ADD1: variants seen among roughly 807,000 people sequenced by gnomAD.
The protein encoded by ADD1 is alpha-adducin.
ADD1 carries 24 observed loss-of-function variants against 80.5 expected under a neutral mutation model. That is an observed-to-expected ratio of 0.30 (90% confidence interval 0.22 to 0.42). The LOEUF (loss-of-function observed/expected upper bound fraction) is 0.42, where lower values mean the gene tolerates loss of function less well. Among genes scored for constraint, ADD1 ranks in the 10% least tolerant of loss-of-function variants. ADD1 has a pLI of 1.00. For synonymous variants in ADD1, 373 were observed against 393.8 expected, an observed-to-expected ratio of 0.95 and a Z score of 0.63; for missense variants, 948 against 1,019.0, an observed-to-expected ratio of 0.93 and a Z score of 0.95.
At chr4:2,890,269 CA>C (rs1164599931) in intron 4 of ADD1, among the ~76,000 whole-genome samples, 1 of 151,042 alleles carries the variant, frequency 6.6e-6, no homozygotes, top group African/African-American at 2.4e-5. Context: ...ATAAAATGGA[CA>C]AAAGGCAAGA....
At chr4:2,919,761 T>C (rs1739684349) in intron 14 of ADD1, among the ~76,000 whole-genome samples, 1 of 152,162 alleles carries the variant, frequency 6.6e-6, no homozygotes, top group Non-Finnish European at 1.5e-5. Flanking sequence ...ATGGTCTATC[T>C]ATTTTATCAA....
intron 3 of ADD1, among the ~76,000 whole-genome samples, chr4:2,883,632 T>TAAGGGATCCTCCACC (rs1326873093): frequency 1.3e-5 from 2 of 152,060 alleles, no homozygotes; most frequent in African/African-American, 4.8e-5. Flanking sequence ...CTCCTAGGCT[T>TAAGGGATCCTCCACC]AAGGGATCCT....
chr4:2,880,463 C>CTTTT (rs1167878841), intron 2 of ADD1, among the ~76,000 whole-genome samples: 4,568 of 63,760 alleles, frequency 0.072, 99 homozygotes, highest in Non-Finnish European at 0.089. Flanking sequence ...TTCTTTCTTT[C>CTTTT]TTTTTTTTTT....
rs750615484 is a variant in ADD1, at chr4:2,925,997, T to C, written c.1949-17T>C. ...GGCGTCCACAGCTCCTACCATATCCTTCTTGCTTCTCTGCAGAGAATCTGG... is the reference window on the plus strand; with the variant it reads ...GGCGTCCACAGCTCCTACCATATCCCTCTTGCTTCTCTGCAGAGAATCTGG... On this transcript the variant is annotated splice_polypyrimidine_tract_variant and intron_variant, in intron 14 of 15. Transcript: ENST00000683351. 7 of 1,611,996 alleles carry C rather than the reference T, an allele frequency of 4.3e-6. No individual in the cohort carries two copies. The highest frequency in any genetic ancestry group is 1.7e-5 in the Admixed American group (1 of 59,932).
chr4:2,920,381 A>G (rs1360095379), intron 14 of ADD1, among the ~76,000 whole-genome samples: 1 of 152,140 alleles, frequency 6.6e-6, no homozygotes, highest in Non-Finnish European at 1.5e-5. Flanking sequence ...CAAGTCCTGA[A>G]TATCTTTGTT....
chr4:2,896,076 G>A (rs1333370193), intron 6 of ADD1, among the ~76,000 whole-genome samples: 3 of 151,052 alleles, frequency 2.0e-5, no homozygotes, highest in Admixed American at 2.0e-4. Flanking sequence ...TTTAGTAGAG[G>A]CTGGGTTTCA....
intron 4 of ADD1, among the ~76,000 whole-genome samples, chr4:2,885,474 C>G (rs1050538780): frequency 5.3e-5 from 8 of 152,300 alleles, no homozygotes; most frequent in African/African-American, 1.9e-4. Flanking sequence ...ACCAAATGAC[C>G]TCATCATGTC....
chr4:2,893,766 G>C (rs1205334343), intron 4 of ADD1, among the ~76,000 whole-genome samples: 1 of 152,172 alleles, frequency 6.6e-6, no homozygotes, highest in African/African-American at 2.4e-5. Flanking sequence ...GTGTGGAACT[G>C]TTTTTTCCCT....
At chr4:2,898,977 C>T in intron 8 of ADD1, 1 of 429,710 alleles carries the variant, frequency 2.3e-6, no homozygotes. Flanking sequence ...TGCTTCTTGA[C>T]TTATGTCTGT....
At position 2,844,039 on chromosome 4, in the gene ADD1, C is replaced by G. The variant is rs1447526443; in HGVS notation, c.-21+15C>G. 1 of 147,704 alleles carries G rather than the reference C, an allele frequency of 6.8e-6. No individual in the cohort carries two copies. Among genetic ancestry groups the G allele is most frequent in the Non-Finnish European group, 1.5e-5 (1 of 66,748 alleles). The allele number at this position is 147,704 out of a possible 1,614,324, so 9.1% of individuals were successfully genotyped here. A position where few individuals can be genotyped will look rare whatever the true frequency, so the allele number is the denominator to read the frequency against. On this transcript the variant is annotated intron_variant, in intron 1 of 15. Transcript: ENST00000683351. ...TCGCTTCTGAGGTGAGGCTAGCTAG[C>G]GGGGGCGGCGGGGGCCCGGTTCGGG...
rs1725759304 is a variant in ADD1, at chr4:2,843,905, AGG to A, written c.-139_-138del. 6.6e-6 allele frequency: 1 copy of A among 151,998 alleles called. No homozygotes were observed. Among genetic ancestry groups the A allele is most frequent in the Non-Finnish European group, 1.5e-5 (1 of 68,070 alleles). The allele number at this position is 151,998 out of a possible 1,614,324, so 9.4% of individuals were successfully genotyped here. A position where few individuals can be genotyped will look rare whatever the true frequency, so the allele number is the denominator to read the frequency against. The stretch of plus-strand genomic sequence containing the variant: ...CGAGCGGAGGGGCTGAGGGGCGGAG[AGG>A]CCTGGCGGGCCGCTGCTGCGGGCCA... On this transcript the variant is annotated 5_prime_UTR_variant, in exon 1 of 16. Transcript: ENST00000683351.
intron 1 of ADD1, among the ~76,000 whole-genome samples, chr4:2,874,297 T>G (rs1331865786): frequency 6.6e-6 from 1 of 152,190 alleles, no homozygotes; most frequent in East Asian, 1.9e-4. Context: ...ATTGTTTTCA[T>G]GTTTTGCCTT....
chr4:2,916,841 C>G (rs1368832631), intron 14 of ADD1, among the ~76,000 whole-genome samples: 4 of 152,194 alleles, frequency 2.6e-5, no homozygotes, highest in Non-Finnish European at 5.9e-5. Flanking sequence ...CAGCTTCATC[C>G]ATATCCCTGC....
chr4:2,887,073 T>C (rs544295931), intron 4 of ADD1, among the ~76,000 whole-genome samples: 59 of 152,330 alleles, frequency 3.9e-4, no homozygotes, highest in African/African-American at 1.4e-3. Context: ...TTGGCAAAAT[T>C]AAAAAAGTGT....
chr4:2,883,321 T>G (rs564741553), intron 3 of ADD1, among the ~76,000 whole-genome samples: 76 of 152,294 alleles, frequency 5.0e-4, no homozygotes, highest in African/African-American at 1.6e-3. Flanking sequence ...CAATTAGTTT[T>G]TTTTTTTTTT....
At chr4:2,892,478 A>T (rs1047772125) in intron 4 of ADD1, among the ~76,000 whole-genome samples, 2 of 152,170 alleles carry the variant, frequency 1.3e-5, no homozygotes, top group African/African-American at 4.8e-5. Flanking sequence ...GGAGAAAAAC[A>T]TACTGTGGAA....
Position 2,917,956 on chromosome 4 carries a change from T to G in ADD1, c.1948+2916T>G, listed in dbSNP as rs188584350. Reference sequence around the variant, plus strand: ...TAGTATAGTTTGAAGTCAGGTAGTGTGATGCCTACAGCTTTGTTCTTTTTG... The same window carrying G: ...TAGTATAGTTTGAAGTCAGGTAGTGGGATGCCTACAGCTTTGTTCTTTTTG... On this transcript the variant is annotated intron_variant, in intron 14 of 15. Transcript: ENST00000683351. Among the ~76,000 whole-genome samples, 5 of 152,340 alleles carry G rather than the reference T, an allele frequency of 3.3e-5. No individual in the cohort carries two copies. The East Asian group carries it at 9.6e-4, about 29-fold the overall frequency.
chr4:2,846,328 C>T (rs1176471893), intron 1 of ADD1, among the ~76,000 whole-genome samples: 1 of 152,120 alleles, frequency 6.6e-6, no homozygotes, highest in Non-Finnish European at 1.5e-5. Flanking sequence ...GGCATAGTTT[C>T]ACAGAATTTA....
At chr4:2,871,522 G>A (rs2108871213) in intron 1 of ADD1, among the ~76,000 whole-genome samples, 1 of 152,320 alleles carries the variant, frequency 6.6e-6, no homozygotes, top group East Asian at 1.9e-4. Context: ...GTCTGAAAAA[G>A]CATGCTGAAA....
Sources: allele counts gnomAD v4.1 joint callset (sites outside exome capture counted in the v4.1 genomes callset), GRCh38; gene constraint gnomAD v4.1.1; transcripts MANE v1.5; gene names NCBI Gene and HGNC (gene_info 2026-07-23, HGNC 2026-07-21).